Variants in PPARGC1A observed in about 807,000 individuals in gnomAD.
The protein encoded by PPARGC1A is peroxisome proliferator-activated receptor gamma coactivator 1-alpha.
A neutral mutation model predicts 88.7 loss-of-function variants in PPARGC1A; 25 were observed. The observed-to-expected ratio is 0.28, with a 90% CI of 0.21 to 0.39. PPARGC1A has a LOEUF of 0.39. Among genes scored for constraint, PPARGC1A ranks in the 10% least tolerant of loss-of-function variants. The pLI is 1.00. For synonymous variants in PPARGC1A, 363 were observed against 355.6 expected (o/e 1.02, Z -0.24); for missense variants, 880 against 968.7 (o/e 0.91, Z 1.22).
At chr4:24,245,068 A>C in the PPARGC1A span, among the ~76,000 whole-genome samples, 2 of 152,234 alleles carry the variant, frequency 1.3e-5, no homozygotes, top group Non-Finnish European at 2.9e-5. Context: ...AACATTAGAA[A>C]CTGACAATCT....
the PPARGC1A span, among the ~76,000 whole-genome samples, chr4:24,139,137 C>CT: frequency 0.04 from 5,781 of 144,678 alleles, 150 homozygotes; most frequent in African/African-American, 0.08. Flanking sequence ...CTATCAGAAA[C>CT]TTTTTTTTTT....
the PPARGC1A span, among the ~76,000 whole-genome samples, chr4:24,322,280 G>A: frequency 6.6e-6 from 1 of 152,228 alleles, no homozygotes; most frequent in South Asian, 2.1e-4. Flanking sequence ...CCCCCGAGTT[G>A]AAGAGTATTT....
At chr4:24,022,278 A>G in the PPARGC1A span, among the ~76,000 whole-genome samples, 2 of 151,556 alleles carry the variant, frequency 1.3e-5, no homozygotes, top group Admixed American at 6.6e-5. Context: ...TTTTTTTGTC[A>G]GTCTCTATCA....
chr4:24,453,747 T>A, the PPARGC1A span, among the ~76,000 whole-genome samples: 1 of 151,714 alleles, frequency 6.6e-6, no homozygotes, highest in Non-Finnish European at 1.5e-5. Context: ...GCCATTGCAC[T>A]CCAGCCTGGG....
At chr4:23,900,383 T>C (rs1157858082), upstream of PPARGC1A, among the ~76,000 whole-genome samples, 1 of 152,086 alleles carries the variant, frequency 6.6e-6, no homozygotes, top group Non-Finnish European at 1.5e-5. Flanking sequence ...TTACTTATTA[T>C]CTATCTGTAG....
the PPARGC1A span, among the ~76,000 whole-genome samples, chr4:24,158,988 C>T: frequency 6.6e-6 from 1 of 152,174 alleles, no homozygotes; most frequent in South Asian, 2.1e-4. Context: ...GTTGAACTGA[C>T]AGCAGTTTCT....
At chr4:23,804,571 A>G (rs1719418655) in intron 10 of PPARGC1A, among the ~76,000 whole-genome samples, 1 of 152,140 alleles carries the variant, frequency 6.6e-6, no homozygotes, top group African/African-American at 2.4e-5. Context: ...AAATATTCCA[A>G]TGGCTTCTCA....
the PPARGC1A span, among the ~76,000 whole-genome samples, chr4:24,262,191 G>A: frequency 1.3e-5 from 2 of 152,080 alleles, no homozygotes; most frequent in African/African-American, 4.8e-5. Flanking sequence ...CTGGGCCCGT[G>A]GTAATCCAAT....
the PPARGC1A span, among the ~76,000 whole-genome samples, chr4:24,251,730 A>G: frequency 6.6e-6 from 1 of 152,146 alleles, no homozygotes; most frequent in Non-Finnish European, 1.5e-5. Context: ...CTGAGATTCT[A>G]CAACAGGAGA....
the PPARGC1A span, among the ~76,000 whole-genome samples, chr4:24,090,440 T>C: frequency 6.6e-6 from 1 of 152,190 alleles, no homozygotes; most frequent in East Asian, 1.9e-4. Context: ...TCACTAAAAT[T>C]TCTGTTGAAG....
chr4:24,402,582 G>A, the PPARGC1A span, among the ~76,000 whole-genome samples: 42 of 152,306 alleles, frequency 2.8e-4, no homozygotes, highest in African/African-American at 9.9e-4. Context: ...CCAGAGCCAG[G>A]GCTCAGCCCA....
At chr4:24,088,182 T>C in the PPARGC1A span, among the ~76,000 whole-genome samples, 4 of 151,650 alleles carry the variant, frequency 2.6e-5, no homozygotes, top group Non-Finnish European at 4.4e-5. Context: ...GATCCCAATA[T>C]ACAACAAATA....
At chr4:24,217,327 T>C in the PPARGC1A span, among the ~76,000 whole-genome samples, 1 of 152,318 alleles carries the variant, frequency 6.6e-6, no homozygotes, top group East Asian at 1.9e-4. Flanking sequence ...TAATATTCCT[T>C]CCTGTCCTAT....
chr4:24,055,424 G>C, the PPARGC1A span, among the ~76,000 whole-genome samples: 2 of 152,118 alleles, frequency 1.3e-5, no homozygotes, highest in Admixed American at 6.5e-5. Context: ...TTTCCAGGGT[G>C]CAAGTAGGAG....
intron 5 of PPARGC1A, 54 bp downstream of exon 5, chr4:23,828,346 G>A (rs1345028576): frequency 3.9e-6 from 6 of 1,528,422 alleles, no homozygotes; most frequent in Non-Finnish European, 5.4e-6. Flanking sequence ...CTTTGCATGT[G>A]CTTTCTTTGC....
At chr4:23,849,683 T>A (rs2148658402) in intron 2 of PPARGC1A, among the ~76,000 whole-genome samples, 2 of 152,326 alleles carry the variant, frequency 1.3e-5, no homozygotes, top group Middle Eastern at 6.8e-3. Flanking sequence ...TTTACTTTAA[T>A]TCTGGATAAT....
At chr4:24,236,498 T>G in the PPARGC1A span, among the ~76,000 whole-genome samples, 3 of 152,174 alleles carry the variant, frequency 2.0e-5, no homozygotes, top group Non-Finnish European at 4.4e-5. Context: ...TCTTCGCCAG[T>G]ACCAAGAGGT....
chr4:23,907,659 A>C (rs563697099), upstream of PPARGC1A, among the ~76,000 whole-genome samples: 1 of 152,318 alleles, frequency 6.6e-6, no homozygotes, highest in Non-Finnish European at 1.5e-5. Flanking sequence ...GGACTAAGTA[A>C]ATGGTTGTAG....
At chr4:24,068,024 G>A in the PPARGC1A span, among the ~76,000 whole-genome samples, 1 of 152,190 alleles carries the variant, frequency 6.6e-6, no homozygotes, top group African/African-American at 2.4e-5. Flanking sequence ...GTGTGCATGT[G>A]TGTGGTCTGC....
Sources: gnomAD v4.1 joint callset for allele counts (sites outside exome capture counted in the v4.1 genomes callset) on GRCh38, gnomAD v4.1.1 for gene constraint, MANE v1.5 for transcripts, NCBI Gene and HGNC (gene_info 2026-07-23, HGNC 2026-07-21) for gene names.